VPS13A: variants seen among roughly 807,000 people sequenced by gnomAD.
VPS13A encodes the protein vacuolar protein sorting 13 homolog A.
VPS13A carries 264 observed loss-of-function variants against 390.9 expected under a neutral mutation model. The observed-to-expected ratio is 0.68, with a 90% CI of 0.61 to 0.75. The LOEUF is 0.75. VPS13A is among the 30% of genes least tolerant of loss of function. VPS13A has a pLI of 0.00. For missense variants in VPS13A, 3,409 were observed against 3,733.9 expected, an observed-to-expected ratio of 0.91 and a Z score of 2.27; for synonymous variants, 1,231 against 1,227.1, an observed-to-expected ratio of 1.00 and a Z score of -0.07.
At chr9:77,325,387 T>A (rs1263181368) in intron 45 of VPS13A, among the ~76,000 whole-genome samples, 3 of 150,688 alleles carry the variant, frequency 2.0e-5, no homozygotes, top group African/African-American at 7.3e-5. Context: ...GTAGCCACCA[T>A]GTAGTTAGAC....
intron 1 of VPS13A, among the ~76,000 whole-genome samples, chr9:77,186,308 T>C (rs1589967071): frequency 6.6e-6 from 1 of 152,216 alleles, no homozygotes; most frequent in East Asian, 1.9e-4. Context: ...TTTAGACATT[T>C]TTCTATTAAT....
intron 1 of VPS13A, among the ~76,000 whole-genome samples, chr9:77,190,775 T>A (rs1824630164): frequency 1.3e-5 from 2 of 152,220 alleles, no homozygotes; most frequent in African/African-American, 4.8e-5. Flanking sequence ...GTTGAGGTAT[T>A]CAGTTTCTTC....
In VPS13A at chr9:77,307,929, C is replaced by CTT. The variant is rs3216012; in HGVS notation, c.3961-7_3961-6dup. The CTT allele has an allele frequency of 9.5e-4, 1,345 of 1,418,342 alleles. No individual in the cohort carries two copies. The highest frequency in any genetic ancestry group is 2.6e-3 in the Admixed American group (142 of 53,730). 87.9% of individuals were successfully genotyped at this position (1,418,342 alleles called of 1,614,324 possible). On this transcript the variant is annotated splice_polypyrimidine_tract_variant and intron_variant, in intron 34 of 71. Coordinates refer to ENST00000360280, the MANE Select transcript of VPS13A (RefSeq NM_033305.3). ...AGTAGCAGTGCTAAAAAGAACAAAT[C>CTT]TTTTTTTTTTAACAGTTCATTCTTA...
At position 77,370,164 on chromosome 9, in the gene VPS13A, T is replaced by C. The variant is rs550047189; in HGVS notation, c.8668-93T>C. The C allele has an allele frequency of 9.8e-5, 134 of 1,370,608 alleles. 1 individual carries two copies. The African/African-American group carries it at 1.5e-3, about 15-fold the overall frequency. 84.9% of individuals were successfully genotyped at this position (1,370,608 alleles called of 1,614,324 possible). A position where few individuals can be genotyped will look rare whatever the true frequency, so the allele number is the denominator to read the frequency against. ...CCTCTGGGACAACATTATCCATTTTTGTTACTACCTCTTTCGTCGTATATA... is the reference window on the plus strand; with the variant it reads ...CCTCTGGGACAACATTATCCATTTTCGTTACTACCTCTTTCGTCGTATATA... On this transcript the variant is annotated intron_variant, in intron 63 of 71. Transcript: ENST00000360280.
chr9:77,410,094 C>G (rs1344021483), intron 71 of VPS13A, among the ~76,000 whole-genome samples: 5 of 152,200 alleles, frequency 3.3e-5, no homozygotes, highest in Admixed American at 6.5e-5. Flanking sequence ...AATAGCTGAT[C>G]TCTCAGCAGA....
chr9:77,398,715 G>A (rs574207811), intron 68 of VPS13A, among the ~76,000 whole-genome samples: 10 of 152,072 alleles, frequency 6.6e-5, no homozygotes, highest in Non-Finnish European at 1.3e-4. Flanking sequence ...TTCTTATTCC[G>A]TATTCTCATG....
chr9:77,287,244 C>T (rs1412437681), intron 31 of VPS13A, among the ~76,000 whole-genome samples: 1 of 150,730 alleles, frequency 6.6e-6, no homozygotes, highest in Non-Finnish European at 1.5e-5. Context: ...CTCTCTCTCT[C>T]TCTCTGTCTC....
chr9:77,241,734 G>C (rs746062781), intron 19 of VPS13A, among the ~76,000 whole-genome samples: 1 of 152,118 alleles, frequency 6.6e-6, no homozygotes, highest in African/African-American at 2.4e-5. Flanking sequence ...GGTACCTTGG[G>C]TATGTTGGTG....
intron 1 of VPS13A, among the ~76,000 whole-genome samples, chr9:77,185,391 T>G (rs1274602683): frequency 6.6e-6 from 1 of 152,098 alleles, no homozygotes; most frequent in East Asian, 1.9e-4. Context: ...CCACCTGCCT[T>G]GGCCTCCCAA....
At chr9:77,346,072 T>TAA (rs1430977784) in intron 52 of VPS13A, among the ~76,000 whole-genome samples, 3 of 152,218 alleles carry the variant, frequency 2.0e-5, no homozygotes, top group Non-Finnish European at 4.4e-5. Context: ...GTTCTGCTTT[T>TAA]AGTTCTTTAA....
chr9:77,322,981 A>G, intron 44 of VPS13A, 86 bp from the exon 45 acceptor site: 2 of 1,075,642 alleles, frequency 1.9e-6, no homozygotes, highest in East Asian at 2.6e-5. Context: ...TTTAAGAATC[A>G]TCTGAAATTT....
intron 59 of VPS13A, among the ~76,000 whole-genome samples, chr9:77,363,902 CG>C (rs1351207443): frequency 6.6e-6 from 1 of 152,144 alleles, no homozygotes; most frequent in African/African-American, 2.4e-5. Context: ...CTGAAGCTGG[CG>C]GTGGGAACAG....
chr9:77,397,230 C>A (rs1834153474), intron 68 of VPS13A, among the ~76,000 whole-genome samples: 1 of 152,118 alleles, frequency 6.6e-6, no homozygotes, highest in Admixed American at 6.5e-5. Flanking sequence ...GCCTTGGGAT[C>A]CGCCCGCCTC....
intron 67 of VPS13A, among the ~76,000 whole-genome samples, chr9:77,376,631 A>T (rs1465170473): frequency 1.3e-5 from 2 of 152,212 alleles, no homozygotes; most frequent in Non-Finnish European, 2.9e-5. Flanking sequence ...TTTTAGGGAA[A>T]GGGTATTAGA....
At position 77,340,443 on chromosome 9, in the gene VPS13A, A is replaced by G. The variant is rs1334994808; in HGVS notation, c.6919A>G (p.Arg2307Gly). The change falls in exon 50 of 72, where the codon AGA becomes GGA. Residue 2307 changes from arginine (R) to glycine (G), a missense_variant. Physicochemically the swap from Arg to Gly is moderately radical, Grantham distance 125 (BLOSUM62 -2). Coordinates refer to ENST00000360280, the MANE Select transcript of VPS13A (RefSeq NM_033305.3). ...TIDLSSFNIT[R>G]IVTFTPFYMI... Reference sequence around the variant, plus strand: ...AGACCTGAGCAGTTTTAACATTACTAGAATTGTGACATTTACCCCTTTTTA... The same window carrying G: ...AGACCTGAGCAGTTTTAACATTACTGGAATTGTGACATTTACCCCTTTTTA... 6.2e-7 allele frequency: 1 copy of G among 1,613,508 alleles called. No individual in the cohort carries two copies. The highest frequency in any genetic ancestry group is 1.1e-5 in the South Asian group (1 of 91,068).
intron 45 of VPS13A, among the ~76,000 whole-genome samples, chr9:77,327,600 C>T (rs1830076405): frequency 1.3e-5 from 2 of 151,158 alleles, no homozygotes; most frequent in Admixed American, 6.6e-5. Flanking sequence ...TTATCTATTC[C>T]AAAGATAAAT....
chr9:77,222,032 G>T (rs1459680139), intron 13 of VPS13A, among the ~76,000 whole-genome samples: 1 of 152,074 alleles, frequency 6.6e-6, no homozygotes, highest in African/African-American at 2.4e-5. Flanking sequence ...TATTTCAAGA[G>T]GGACTCTTTT....
At position 77,344,616 on chromosome 9, in the gene VPS13A, G is replaced by A. The variant is rs532149248; in HGVS notation, c.7155+335G>A. On this transcript the variant is annotated intron_variant, in intron 51 of 71. Transcript: ENST00000360280. ...ACTAAAGAAATAGAAAAAATTAGCC[G>A]GGCGTGGTGGCGGGTGCCTGTAGTC... Among the ~76,000 whole-genome samples the A allele has an allele frequency of 1.4e-4, 21 of 152,150 alleles. No individual in the cohort carries two copies. The South Asian group carries it at 3.3e-3, about 24-fold the overall frequency.
intron 68 of VPS13A, among the ~76,000 whole-genome samples, chr9:77,383,626 C>T (rs1289604463): frequency 2.0e-5 from 3 of 152,040 alleles, no homozygotes; most frequent in African/African-American, 7.2e-5. Context: ...CATGAGATAC[C>T]AATAATTTCT....
Sources: gnomAD v4.1 joint callset for allele counts (sites outside exome capture counted in the v4.1 genomes callset) on GRCh38, gnomAD v4.1.1 for gene constraint, MANE v1.5 for transcripts, NCBI Gene and HGNC (gene_info 2026-07-23, HGNC 2026-07-21) for gene names.